The following TACR3 variants were observed in gnomAD, a reference collection of about 807,000 sequenced individuals.
The protein encoded by TACR3 is tachykinin receptor 3.
TACR3 carries 34 observed loss-of-function variants against 35.0 expected under a neutral mutation model. The observed-to-expected ratio is 0.97, with a 90% CI of 0.74 to 1.30. The LOEUF is 1.30. TACR3 is among the 50% of genes most tolerant of loss of function. The probability of loss-of-function intolerance (pLI) is 0.00; values close to 1 mark genes in which losing one functional copy is unlikely to be tolerated. For missense variants in TACR3, 558 were observed against 591.7 expected, an observed-to-expected ratio of 0.94 and a Z score of 0.59; for synonymous variants, 233 against 221.1, an observed-to-expected ratio of 1.05 and a Z score of -0.48.
chr4:103,623,823 A>T (rs1262848966), intron 3 of TACR3, among the ~76,000 whole-genome samples: 1 of 152,136 alleles, frequency 6.6e-6, no homozygotes, highest in Non-Finnish European at 1.5e-5. Context: ...TTTCTAGGAG[A>T]TGCTCCAGGA....
At chr4:103,714,068 A>T (rs2110232982) in intron 1 of TACR3, among the ~76,000 whole-genome samples, 1 of 152,266 alleles carries the variant, frequency 6.6e-6, no homozygotes, top group East Asian at 1.9e-4. Context: ...TAAGCAAATG[A>T]TACTTTCATG....
At chr4:103,619,287 TCAAG>T (rs1282100341) in intron 3 of TACR3, among the ~76,000 whole-genome samples, 1 of 152,108 alleles carries the variant, frequency 6.6e-6, no homozygotes, top group Non-Finnish European at 1.5e-5. Context: ...CCTCCAGGGT[TCAAG>T]CAATTCTCCT....
rs1723894731 is a variant in TACR3, at chr4:103,591,516, A to T, written c.1056T>A (p.Asn352Lys). 6.2e-7 allele frequency: 1 copy of T among 1,613,832 alleles called. No homozygotes were observed. The highest frequency in any genetic ancestry group is 8.5e-7 in the Non-Finnish European group (1 of 1,179,812). The change falls in exon 4 of 5, where the codon AAT becomes AAA. Residue 352 changes from asparagine (N) to lysine (K), a missense_variant. Asn to Lys is a moderately conservative substitution (Grantham distance 94, BLOSUM62 0). Coordinates refer to ENST00000304883, the MANE Select transcript of TACR3 (RefSeq NM_001059.3). ...FWLAMSSTMYNPIIYCCLNKR... is the reference protein window; with the variant it reads ...FWLAMSSTMYKPIIYCCLNKR... ...TATTCAGACAGCAGTAGATGATGGG[A>T]TTGTACATGGTTGAGCTCATTGCCA...
intron 1 of TACR3, among the ~76,000 whole-genome samples, chr4:103,708,592 G>A (rs140535777): frequency 0.038 from 5,763 of 152,206 alleles, 125 homozygotes; most frequent in Non-Finnish European, 0.05. Context: ...TCCAAAAATC[G>A]GAGCACCTCT....
intron 3 of TACR3, among the ~76,000 whole-genome samples, chr4:103,610,239 A>G (rs888927570): frequency 2.0e-5 from 3 of 152,034 alleles, no homozygotes; most frequent in African/African-American, 4.8e-5. Context: ...TGTCCCTCCA[A>G]TAGTGTATAA....
chr4:103,709,237 T>C (rs943009321), intron 1 of TACR3, among the ~76,000 whole-genome samples: 2 of 151,850 alleles, frequency 1.3e-5, no homozygotes, highest in African/African-American at 4.8e-5. Flanking sequence ...AAGGAAAAAA[T>C]GTTAAGGGCA....
chr4:103,695,160 T>C (rs1722493860), intron 1 of TACR3, among the ~76,000 whole-genome samples: 1 of 152,228 alleles, frequency 6.6e-6, no homozygotes, highest in South Asian at 2.1e-4. Context: ...ATAACTGGTA[T>C]ACTTTTACCG....
At chr4:103,602,636 A>C (rs1340322364) in intron 3 of TACR3, among the ~76,000 whole-genome samples, 1 of 151,772 alleles carries the variant, frequency 6.6e-6, no homozygotes, top group Non-Finnish European at 1.5e-5. Context: ...GGTCTGTTGG[A>C]GTTTGCCTAG....
chr4:103,589,423 A>C lies in TACR3; in HGVS notation c.*259T>G. The C allele has an allele frequency of 2.4e-6, 1 of 421,068 alleles. No homozygotes were observed. The highest frequency in any genetic ancestry group is 4.2e-5 in the East Asian group (1 of 24,070). 26.1% of individuals were successfully genotyped at this position (421,068 alleles called of 1,614,324 possible). ...GCGAGTTTACAAGTATTTTCCTGAC[A>C]TATTTTTGTTCATTGCATATAATAA... On this transcript the variant is annotated 3_prime_UTR_variant, in exon 5 of 5. Coordinates refer to ENST00000304883, the MANE Select transcript of TACR3 (RefSeq NM_001059.3).
intron 1 of TACR3, among the ~76,000 whole-genome samples, chr4:103,659,836 T>C (rs1233638243): frequency 6.6e-6 from 1 of 152,152 alleles, no homozygotes; most frequent in Non-Finnish European, 1.5e-5. Context: ...GAACTGGAGA[T>C]AGCATGGCTA....
At chr4:103,606,764 C>T (rs1474476101) in intron 3 of TACR3, among the ~76,000 whole-genome samples, 3 of 152,266 alleles carry the variant, frequency 2.0e-5, no homozygotes, top group South Asian at 4.1e-4. Flanking sequence ...ATGTCATCTG[C>T]AAACAGGGAC....
chr4:103,660,075 A>AAAAT (rs1451816264), intron 1 of TACR3, among the ~76,000 whole-genome samples: 1 of 152,110 alleles, frequency 6.6e-6, no homozygotes, highest in East Asian at 1.9e-4. Context: ...TAAATATTTC[A>AAAAT]AAATAAGGAT....
At chr4:103,644,615 G>T (rs150387266) in intron 3 of TACR3, among the ~76,000 whole-genome samples, 19 of 151,328 alleles carry the variant, frequency 1.3e-4, no homozygotes, top group Admixed American at 2.6e-4. Flanking sequence ...TTTCTTTTTT[G>T]GGAAGATATT....
chr4:103,711,980 C>T (rs575692203), intron 1 of TACR3, among the ~76,000 whole-genome samples: 1 of 152,224 alleles, frequency 6.6e-6, no homozygotes, highest in East Asian at 1.9e-4. Context: ...AACCACTGCT[C>T]AATGACATAA....
At chr4:103,690,365 C>T (rs1352447760) in intron 1 of TACR3, among the ~76,000 whole-genome samples, 1 of 151,976 alleles carries the variant, frequency 6.6e-6, no homozygotes, top group Non-Finnish European at 1.5e-5. Flanking sequence ...GAAGTGGCAA[C>T]ATTAATATTA....
intron 1 of TACR3, among the ~76,000 whole-genome samples, chr4:103,683,268 A>G (rs939600449): frequency 2.0e-5 from 3 of 151,988 alleles, no homozygotes; most frequent in African/African-American, 7.2e-5. Context: ...AAGTTCTCAA[A>G]TAAGTAATCT....
rs1207179997 is a variant in TACR3 at position 103,658,345 on chromosome 4, C to T, written c.607G>A (p.Val203Ile). ...GCTAGAATCCAAATACTTCCAATGA[C>T]AATCTTGGTTGCTGTAGCAGACAGT... ...PRLSATATKI[V>I]IGSIWILAFL... is the part of the protein sequence containing the mutation. The change falls in exon 2 of 5, where the codon GTC (valine) becomes ATC (isoleucine). Residue 203 changes from valine to isoleucine, a missense_variant. Physicochemically the swap from Val to Ile is conservative, Grantham distance 29. Coordinates refer to ENST00000304883, the MANE Select transcript of TACR3 (RefSeq NM_001059.3). The T allele has an allele frequency of 6.2e-7, 1 of 1,613,882 alleles. No individual in the cohort carries two copies. The highest frequency in any genetic ancestry group is 8.5e-7 in the Non-Finnish European group (1 of 1,179,938).
intron 1 of TACR3, among the ~76,000 whole-genome samples, chr4:103,668,706 A>T (rs2110335374): frequency 6.6e-6 from 1 of 151,986 alleles, no homozygotes; most frequent in South Asian, 2.1e-4. Context: ...AAAATTAGCC[A>T]GTCATGGTGA....
At chr4:103,612,515 T>C (rs78188064) in intron 3 of TACR3, among the ~76,000 whole-genome samples, 1 of 152,146 alleles carries the variant, frequency 6.6e-6, no homozygotes, top group African/African-American at 2.4e-5. Context: ...TTTTTTTTTT[T>C]TCTTGTGGTT....
Sources: gnomAD v4.1 joint callset for allele counts (sites outside exome capture counted in the v4.1 genomes callset) on GRCh38, gnomAD v4.1.1 for gene constraint, MANE v1.5 for transcripts, NCBI Gene and HGNC (gene_info 2026-07-23, HGNC 2026-07-21) for gene names.